The following GLG1 variants were observed in gnomAD, a reference collection of about 807,000 sequenced individuals.
The protein encoded by GLG1 is golgi glycoprotein 1.
Under a neutral mutation model 160.5 loss-of-function variants are expected in GLG1, and 38 were observed. That is an observed-to-expected ratio of 0.24 (90% CI 0.18 to 0.31). The LOEUF (loss-of-function observed/expected upper bound fraction) is 0.31. Ranked by LOEUF, GLG1 falls within the 10% of genes least tolerant of loss-of-function variation. GLG1 has a pLI of 1.00. For missense variants in GLG1, 1,373 were observed against 1,505.2 expected (o/e 0.91, Z 1.45); for synonymous variants, 644 against 543.4 (o/e 1.19, Z -2.57).
chr16:74,462,562 G>C lies in GLG1; in HGVS notation c.2860C>G (p.Leu954Val). 1 of 1,613,548 alleles carries C rather than the reference G, an allele frequency of 6.2e-7. No individual in the cohort carries two copies. Among genetic ancestry groups the C allele is most frequent in the Admixed American group, 1.7e-5 (1 of 60,002 alleles). The change falls in exon 21 of 26, where the codon CTG becomes GTG. Residue 954 changes from leucine (L) to valine (V), a missense_variant. Transcript: ENST00000422840. ...ADIPKFCHGI[L>V]TKAKDDSELE... ...TCTGAATCATCCTTGGCCTTAGTCA[G>C]GATACCGTGACAGAATTTAGGAATG...
Position 74,452,002 on chromosome 16 carries a change from C to A in GLG1, c.*1165G>T. 1 of 1,253,124 alleles carries A rather than the reference C, an allele frequency of 8.0e-7. No homozygotes were observed. The highest frequency in any genetic ancestry group is 1.2e-5 in the South Asian group (1 of 83,982). The allele number at this position is 1,253,124 out of a possible 1,614,324, so 77.6% of individuals were successfully genotyped here. Reference sequence around the variant, plus strand: ...GTGATAACTTTCCACACCCTCTCCACGTAGAGGCACAAAGGAGCTTGTCTG... The same window carrying A: ...GTGATAACTTTCCACACCCTCTCCAAGTAGAGGCACAAAGGAGCTTGTCTG... On this transcript the variant is annotated 3_prime_UTR_variant, in exon 26 of 26. Transcript: ENST00000422840.
At chr16:74,591,526 G>A (rs1020348629) in intron 1 of GLG1, among the ~76,000 whole-genome samples, 1 of 151,728 alleles carries the variant, frequency 6.6e-6, no homozygotes, top group African/African-American at 2.4e-5. Flanking sequence ...TACGTGGGAG[G>A]CTGAGGCAGG....
chr16:74,524,456 T>C (rs2017273704), intron 2 of GLG1, among the ~76,000 whole-genome samples: 1 of 152,136 alleles, frequency 6.6e-6, no homozygotes, highest in South Asian at 2.1e-4. Context: ...GGTGCTAAAA[T>C]TGGAAATTTG....
chr16:74,545,440 C>T (rs1406156071), intron 1 of GLG1, among the ~76,000 whole-genome samples: 1 of 152,192 alleles, frequency 6.6e-6, no homozygotes, highest in Non-Finnish European at 1.5e-5. Context: ...CTCAGCCTCC[C>T]AAAGTGCTGG....
chr16:74,493,175 C>G, intron 6 of GLG1, 35 bp from the exon 7 acceptor site: 2 of 1,475,954 alleles, frequency 1.4e-6, no homozygotes, highest in South Asian at 1.2e-5. Context: ...CGTGAGACCA[C>G]TCATGTAACT....
intron 13 of GLG1, among the ~76,000 whole-genome samples, chr16:74,473,893 G>T (rs2015305603): frequency 6.6e-6 from 1 of 152,162 alleles, no homozygotes; most frequent in South Asian, 2.1e-4. Context: ...AGCGAGGGAT[G>T]AGAGAACGGG....
At chr16:74,515,308 T>G (rs2016944660) in intron 2 of GLG1, among the ~76,000 whole-genome samples, 1 of 152,232 alleles carries the variant, frequency 6.6e-6, no homozygotes, top group South Asian at 2.1e-4. Context: ...AATAGACATC[T>G]ACAGAACTCT....
At chr16:74,497,295 C>T (rs71391090) in intron 4 of GLG1, among the ~76,000 whole-genome samples, 1 of 2,710 alleles carries the variant, frequency 3.7e-4, no homozygotes, top group African/African-American at 1.6e-3. Flanking sequence ...GTAAAAAAAA[C>T]ACACACACAC....
chr16:74,480,648 C>G (rs527982427), intron 10 of GLG1, among the ~76,000 whole-genome samples: 104 of 152,036 alleles, frequency 6.8e-4, no homozygotes, highest in African/African-American at 2.4e-3. Flanking sequence ...CCTCCGTCCC[C>G]CGGGGCTTGA....
At chr16:74,511,447 T>G (rs1176460283) in intron 2 of GLG1, among the ~76,000 whole-genome samples, 1 of 150,584 alleles carries the variant, frequency 6.6e-6, no homozygotes, top group Admixed American at 6.6e-5. Flanking sequence ...AGGTCAGGAG[T>G]TCAAGACTGG....
At chr16:74,490,078 C>T (rs1039264614) in intron 8 of GLG1, among the ~76,000 whole-genome samples, 1 of 152,154 alleles carries the variant, frequency 6.6e-6, no homozygotes, top group Non-Finnish European at 1.5e-5. Flanking sequence ...GGATATAAAG[C>T]GAAACTATCT....
At chr16:74,581,300 G>A (rs1957933090) in intron 1 of GLG1, among the ~76,000 whole-genome samples, 1 of 152,088 alleles carries the variant, frequency 6.6e-6, no homozygotes, top group East Asian at 1.9e-4. Flanking sequence ...ATAATGGAAT[G>A]TTATTCACCT....
intron 1 of GLG1, among the ~76,000 whole-genome samples, chr16:74,579,699 G>A (rs757076664): frequency 4.6e-5 from 7 of 151,640 alleles, no homozygotes; most frequent in Admixed American, 3.3e-4. Context: ...TCCAGCATGG[G>A]TGACAGCAAG....
chr16:74,542,680 AAAGGG>A (rs1309915893), intron 1 of GLG1, among the ~76,000 whole-genome samples: 1 of 128,484 alleles, frequency 7.8e-6, no homozygotes, highest in African/African-American at 3.1e-5. Flanking sequence ...CAAAAAAAAA[AAAGGG>A]AAGGGAAGGA....
At chr16:74,598,663 T>G (rs532169350) in intron 1 of GLG1, among the ~76,000 whole-genome samples, 2 of 151,864 alleles carry the variant, frequency 1.3e-5, no homozygotes, top group South Asian at 4.1e-4. Flanking sequence ...GAGACTGAGG[T>G]GGGTGGATTG....
intron 1 of GLG1, among the ~76,000 whole-genome samples, chr16:74,576,858 A>G (rs2019018536): frequency 6.6e-6 from 1 of 152,118 alleles, no homozygotes; most frequent in Non-Finnish European, 1.5e-5. Flanking sequence ...GTAGCTGAAG[A>G]AATATTTTTA....
chr16:74,512,490 C>A (rs1302077438), intron 2 of GLG1, among the ~76,000 whole-genome samples: 3 of 152,026 alleles, frequency 2.0e-5, no homozygotes, highest in Admixed American at 6.6e-5. Flanking sequence ...GTCTCGATCT[C>A]CTGACCTCGT....
intron 1 of GLG1, among the ~76,000 whole-genome samples, chr16:74,546,087 G>C (rs147051811): frequency 0.012 from 1,856 of 152,260 alleles, 34 homozygotes; most frequent in African/African-American, 0.043. Context: ...TCTTACCATA[G>C]TATCTTTGAA....
chr16:74,477,787 T>C lies in GLG1; in HGVS notation c.1828-254A>G, dbSNP rs549395116. ...TCGGGAGTTTGAGACCAGCCTGACC[T>C]ACATGGAGAAACCCTGTCTCTACTA... On this transcript the variant is annotated intron_variant, in intron 11 of 25. Transcript: ENST00000422840. Among the ~76,000 whole-genome samples, 167 of 151,880 alleles carry C rather than the reference T, an allele frequency of 1.1e-3. 1 individual carries two copies. The highest frequency in any genetic ancestry group is 2.1e-3 in the Admixed American group (32 of 15,242).
Sources: allele counts gnomAD v4.1 joint callset (sites outside exome capture counted in the v4.1 genomes callset), GRCh38; gene constraint gnomAD v4.1.1; transcripts MANE v1.5; gene names NCBI Gene and HGNC (gene_info 2026-07-23, HGNC 2026-07-21).